The following PCDHGB3 variants were observed in gnomAD, a reference collection of about 807,000 sequenced individuals.
PCDHGB3 encodes the protein protocadherin gamma subfamily B, 3, also known as protocadherin gamma-B3.
PCDHGB3 carries 40 observed loss-of-function variants against 59.2 expected under a neutral mutation model. The ratio of observed to expected loss-of-function variants is 0.68; its 90% CI spans 0.52 to 0.88. The LOEUF (loss-of-function observed/expected upper bound fraction) is 0.88, where lower values mean the gene tolerates loss of function less well. Ranked by LOEUF, PCDHGB3 falls within the 40% of genes least tolerant of loss-of-function variation. The pLI is 0.00. For missense variants in PCDHGB3, 1,309 were observed against 1,187.9 expected, an observed-to-expected ratio of 1.10 and a Z score of -1.50; for synonymous variants, 581 against 503.6, an observed-to-expected ratio of 1.15 and a Z score of -2.06.
intron 1 of PCDHGB3, chr5:141,427,320 G>GT: frequency 2.2e-6 from 1 of 457,086 alleles, no homozygotes; most frequent in Non-Finnish European, 4.4e-6. Context: ...CCCAGACGTG[G>GT]TTTTTACTTC....
chr5:141,376,254 T>C (rs745835885), intron 1 of PCDHGB3: 3 of 1,614,098 alleles, frequency 1.9e-6, no homozygotes, highest in Non-Finnish European at 2.5e-6. Context: ...AAGTCACGCC[T>C]GCTGCAGGCT....
intron 1 of PCDHGB3, chr5:141,430,693 C>A: frequency 1.4e-6 from 2 of 1,425,428 alleles, no homozygotes; most frequent in Admixed American, 2.6e-5. Context: ...ATTCTATGGG[C>A]GAAGGAACTG....
chr5:141,430,635 T>A, intron 1 of PCDHGB3: 3 of 881,948 alleles, frequency 3.4e-6, no homozygotes, highest in Non-Finnish European at 5.0e-6. Flanking sequence ...GAACCATCCC[T>A]GGGAGTATGT....
intron 1 of PCDHGB3, chr5:141,405,402 C>T: frequency 6.3e-7 from 1 of 1,589,724 alleles, no homozygotes; most frequent in Non-Finnish European, 8.6e-7. Flanking sequence ...TTCTTTCTTT[C>T]TTTTCTTTTT....
At chr5:141,425,159 G>T (rs557552439) in intron 1 of PCDHGB3, among the ~76,000 whole-genome samples, 1 of 152,244 alleles carries the variant, frequency 6.6e-6, no homozygotes, top group Non-Finnish European at 1.5e-5. Context: ...AGCATCTAGG[G>T]ATAGGATTTA....
chr5:141,375,028 T>C, intron 1 of PCDHGB3: 1 of 1,614,042 alleles, frequency 6.2e-7, no homozygotes, highest in Non-Finnish European at 8.5e-7. Flanking sequence ...CGAGTTTTTA[T>C]GAGCTGGGTG....
intron 1 of PCDHGB3, chr5:141,417,692 C>T (rs2096147964): frequency 1.8e-6 from 2 of 1,089,118 alleles, no homozygotes; most frequent in Non-Finnish European, 2.5e-6. Flanking sequence ...AAAAGAAAAC[C>T]AGCTCCCACA....
intron 1 of PCDHGB3, chr5:141,421,835 G>T: frequency 6.2e-7 from 1 of 1,613,746 alleles, no homozygotes. Flanking sequence ...AGCCTGGACC[G>T]AGAGAAAGAG....
At chr5:141,390,515 C>T (rs1325813784) in intron 1 of PCDHGB3, 1 of 575,082 alleles carries the variant, frequency 1.7e-6, no homozygotes, top group Middle Eastern at 4.7e-4. Flanking sequence ...ATTTATAAAG[C>T]AATGAGGGTG....
chr5:141,433,843 A>C (rs2097657951), intron 1 of PCDHGB3, among the ~76,000 whole-genome samples: 1 of 151,956 alleles, frequency 6.6e-6, no homozygotes, highest in African/African-American at 2.4e-5. Context: ...ATCTCAAAAA[A>C]AAAAAAAAAA....
intron 1 of PCDHGB3, chr5:141,413,345 G>A (rs2095628318): frequency 8.7e-6 from 14 of 1,613,996 alleles, no homozygotes; most frequent in Non-Finnish European, 1.0e-5. Flanking sequence ...AAGGACTTGG[G>A]TCTGGCGCCC....
rs146734417 is a variant in PCDHGB3, at chr5:141,431,409, G to T, written c.2415+58600G>T. The T allele has an allele frequency of 1.9e-6, 3 of 1,613,722 alleles. No homozygotes were observed. Among genetic ancestry groups the T allele is most frequent in the Non-Finnish European group, 2.5e-6 (3 of 1,180,048 alleles). On this transcript the variant is annotated intron_variant, in intron 1 of 3. Transcript: ENST00000576222. This position sits in a 1 kb window ranked among gnomAD's most constrained non-coding sequence, Gnocchi z 4.8. Reference sequence around the variant, plus strand: ...CACCTGGTCCTTACGGCCTCCGACGGGGGCGACCCGGTGCGCACAGGCACC... The same window carrying T: ...CACCTGGTCCTTACGGCCTCCGACGTGGGCGACCCGGTGCGCACAGGCACC...
intron 1 of PCDHGB3, chr5:141,400,182 G>C (rs754765633): frequency 3.7e-6 from 6 of 1,614,072 alleles, no homozygotes; most frequent in Non-Finnish European, 5.1e-6. Flanking sequence ...CTGAGCTGCA[G>C]TTTTACCTAG....
In PCDHGB3 at chr5:141,494,850, G is replaced by C. The variant is rs2099757124; in HGVS notation, c.2459G>C (p.Arg820Thr). 1.2e-6 allele frequency: 2 copies of C among 1,614,124 alleles called. No individual in the cohort carries two copies. The highest frequency in any genetic ancestry group is 1.7e-6 in the Non-Finnish European group (2 of 1,180,018). Reference protein sequence around the residue: ...NTDWRFSQAQRPGTSGSQNGD... With the variant: ...NTDWRFSQAQTPGTSGSQNGD... ...GACTGGCGTTTCTCTCAGGCCCAGA[G>C]ACCCGGCACCAGCGGGTAGGTGACT... is the stretch of plus-strand genomic sequence containing the variant. The change falls in exon 2 of 4, where the codon AGA becomes ACA. Residue 820 changes from arginine to threonine, a missense_variant. Physicochemically the swap from Arg to Thr is moderately conservative, Grantham distance 71. Transcript: ENST00000576222.
Position 141,485,244 on chromosome 5 carries a change from T to G in PCDHGB3, c.2416-9563T>G. 5 of 1,614,168 alleles carry G rather than the reference T, an allele frequency of 3.1e-6. No individual in the cohort carries two copies. Among genetic ancestry groups the G allele is most frequent in the Non-Finnish European group, 4.2e-6 (5 of 1,180,006 alleles). On this transcript the variant is annotated intron_variant, in intron 1 of 3. Transcript: ENST00000576222. This position sits in a 1 kb window ranked among gnomAD's most constrained non-coding sequence, Gnocchi z 5.7. Reference sequence around the variant, plus strand: ...ACCCTTTTGTTCCTCTTTTACCACCTGGGTTACGTTTGTGGGCAGATCCGC... The same window carrying G: ...ACCCTTTTGTTCCTCTTTTACCACCGGGGTTACGTTTGTGGGCAGATCCGC...
chr5:141,434,261 G>A (rs1269166732), intron 1 of PCDHGB3, among the ~76,000 whole-genome samples: 2 of 152,194 alleles, frequency 1.3e-5, no homozygotes. Context: ...TTGTGGGGGA[G>A]GTGGAAATTA....
chr5:141,376,009 A>G lies in PCDHGB3; in HGVS notation c.2415+3200A>G, dbSNP rs111388524. 32 of 1,613,224 alleles carry G rather than the reference A, an allele frequency of 2.0e-5. No homozygotes were observed. In the South Asian group the frequency reaches 3.5e-4, roughly 18 times the overall value. On this transcript the variant is annotated intron_variant, in intron 1 of 3. Transcript: ENST00000576222. ...ACAGAGACGCGCTCAAGCAGAGCCT[A>G]GTGGTGGCCGTCCAGGACCACGGCC...
At chr5:141,495,841 G>A (rs1187067340) in intron 2 of PCDHGB3, among the ~76,000 whole-genome samples, 1 of 151,864 alleles carries the variant, frequency 6.6e-6, no homozygotes, top group Non-Finnish European at 1.5e-5. Context: ...CAGCCTCTAT[G>A]TTTCTCTGTC....
intron 1 of PCDHGB3, chr5:141,400,231 G>C: frequency 6.2e-7 from 1 of 1,613,988 alleles, no homozygotes; most frequent in South Asian, 1.1e-5. Context: ...CTTCCTCCTG[G>C]CCGTGATTCT....
Sources: allele counts gnomAD v4.1 joint callset (sites outside exome capture counted in the v4.1 genomes callset), GRCh38; gene constraint gnomAD v4.1.1; non-coding constraint Gnocchi (gnomAD v3.1); transcripts MANE v1.5; gene names NCBI Gene and HGNC (gene_info 2026-07-23, HGNC 2026-07-21).